Variants in FTO observed in about 807,000 individuals in gnomAD.
FTO encodes alpha-ketoglutarate-dependent dioxygenase FTO.
FTO carries 47 observed loss-of-function variants against 63.9 expected under a neutral mutation model. That is an observed-to-expected ratio of 0.74 (90% confidence interval 0.58 to 0.94). The LOEUF (loss-of-function observed/expected upper bound fraction) is 0.94, where lower values mean the gene tolerates loss of function less well. FTO is among the 40% of genes least tolerant of loss of function. The pLI is 0.00. For missense variants in FTO, 562 were observed against 618.1 expected, an observed-to-expected ratio of 0.91 and a Z score of 0.96; for synonymous variants, 207 against 224.4, an observed-to-expected ratio of 0.92 and a Z score of 0.69.
At chr16:53,895,284 A>G (rs1201397762) in intron 7 of FTO, among the ~76,000 whole-genome samples, 3 of 152,126 alleles carry the variant, frequency 2.0e-5, no homozygotes, top group African/African-American at 7.2e-5. Flanking sequence ...TTTAGTAAGG[A>G]ATTTTACAAG....
chr16:54,021,567 G>T (rs776930603), intron 8 of FTO, among the ~76,000 whole-genome samples: 14 of 152,144 alleles, frequency 9.2e-5, no homozygotes, highest in Non-Finnish European at 7.4e-5. Context: ...TCGGCTCACT[G>T]CAACCTCCGC....
chr16:53,924,379 C>T (rs957266339), intron 7 of FTO, among the ~76,000 whole-genome samples: 3 of 152,154 alleles, frequency 2.0e-5, no homozygotes, highest in African/African-American at 7.2e-5. Context: ...GATGGAAAAA[C>T]ACTAAAATAT....
chr16:53,776,764 T>C (rs1455696437), intron 1 of FTO, among the ~76,000 whole-genome samples: 2 of 152,174 alleles, frequency 1.3e-5, no homozygotes, highest in Admixed American at 6.5e-5. Flanking sequence ...CTTATACTTT[T>C]TTGTTTAGTT....
intron 8 of FTO, chr16:53,991,657 G>T (rs1268792281): frequency 2.6e-5 from 4 of 152,150 alleles, no homozygotes; most frequent in Non-Finnish European, 5.9e-5. Context: ...TTTGATAACT[G>T]CTTGGTATGC....
chr16:54,013,985 C>A (rs1343082396), intron 8 of FTO, among the ~76,000 whole-genome samples: 2 of 152,120 alleles, frequency 1.3e-5, no homozygotes, highest in South Asian at 2.1e-4. Context: ...TGTAGAGGAA[C>A]TCTGGTGACT....
chr16:53,997,002 G>C (rs2083946722), intron 8 of FTO, among the ~76,000 whole-genome samples: 1 of 151,854 alleles, frequency 6.6e-6, no homozygotes, highest in Admixed American at 6.6e-5. Context: ...AATCTCAGCT[G>C]TTCAGAAGGC....
chr16:54,070,896 C>G (rs28448416), intron 8 of FTO: 1 of 152,242 alleles, frequency 6.6e-6, no homozygotes, highest in Non-Finnish European at 1.5e-5. Context: ...TGTACAACAA[C>G]TAATTCAGCC....
At chr16:54,017,255 C>T (rs1845525116) in intron 8 of FTO, among the ~76,000 whole-genome samples, 1 of 152,214 alleles carries the variant, frequency 6.6e-6, no homozygotes, top group Non-Finnish European at 1.5e-5. Flanking sequence ...GATACTTCAT[C>T]TTTGCTGCAG....
intron 1 of FTO, among the ~76,000 whole-genome samples, chr16:53,728,325 C>T (rs1361451500): frequency 6.6e-6 from 1 of 152,158 alleles, no homozygotes; most frequent in African/African-American, 2.4e-5. Context: ...CAACTCTTTT[C>T]TTCTCCCATA....
chr16:54,091,151 A>G lies in FTO; in HGVS notation c.1365-20611A>G, dbSNP rs1049217625. On this transcript the variant is annotated intron_variant, in intron 8 of 8. Transcript: ENST00000471389. ...CCGTTGGAGGCCATGTTTGGAGGCTAGTTACCACAAACACCATGGACATAT... is the reference window on the plus strand; with the variant it reads ...CCGTTGGAGGCCATGTTTGGAGGCTGGTTACCACAAACACCATGGACATAT... Among the ~76,000 whole-genome samples the G allele has an allele frequency of 5.1e-4, 78 of 152,222 alleles. 1 individual carries two copies. The highest frequency in any genetic ancestry group is 1.9e-3 in the African/African-American group (77 of 41,464).
intron 8 of FTO, among the ~76,000 whole-genome samples, chr16:54,074,900 G>A (rs1439269439): frequency 1.1e-3 from 86 of 75,604 alleles, no homozygotes; most frequent in African/African-American, 3.9e-3. Flanking sequence ...AAGAGGGAGA[G>A]AGAGAGAGAG....
At chr16:53,750,592 G>T (rs2076765244) in intron 1 of FTO, among the ~76,000 whole-genome samples, 1 of 152,152 alleles carries the variant, frequency 6.6e-6, no homozygotes, top group African/African-American at 2.4e-5. Flanking sequence ...AGAAGAAGAA[G>T]AATATTTAAT....
chr16:53,722,337 C>A (rs1056362365), intron 1 of FTO, among the ~76,000 whole-genome samples: 1 of 152,154 alleles, frequency 6.6e-6, no homozygotes, highest in Non-Finnish European at 1.5e-5. Context: ...GCTGACAACA[C>A]TGCTATAAAT....
chr16:53,730,079 A>G (rs945339881), intron 1 of FTO, among the ~76,000 whole-genome samples: 1 of 152,222 alleles, frequency 6.6e-6, no homozygotes, highest in Non-Finnish European at 1.5e-5. Context: ...ATGGACTTCA[A>G]ATGTAGATAT....
intron 8 of FTO, among the ~76,000 whole-genome samples, chr16:53,986,824 G>A (rs746099940): frequency 2.4e-4 from 36 of 152,202 alleles, no homozygotes; most frequent in South Asian, 6.2e-4. Flanking sequence ...GTAAATGAAG[G>A]TAACGTTGTT....
intron 8 of FTO, among the ~76,000 whole-genome samples, chr16:54,074,909 AGAGAGAGAGT>A (rs1397305786): frequency 5.2e-5 from 6 of 115,570 alleles, no homozygotes; most frequent in African/African-American, 2.0e-4. Flanking sequence ...AGAGAGAGAG[AGAGAGAGAGT>A]GTGTGTGTGT....
intron 8 of FTO, among the ~76,000 whole-genome samples, chr16:54,015,259 G>T (rs2084414073): frequency 6.6e-6 from 1 of 152,152 alleles, no homozygotes; most frequent in Non-Finnish European, 1.5e-5. Flanking sequence ...AAAAACAATT[G>T]TGTTTCATGT....
At chr16:53,747,852 G>T (rs1478917884) in intron 1 of FTO, among the ~76,000 whole-genome samples, 2 of 152,098 alleles carry the variant, frequency 1.3e-5, no homozygotes, top group Non-Finnish European at 2.9e-5. Context: ...TATGGTGTGA[G>T]ATAAGGGTTC....
intron 7 of FTO, among the ~76,000 whole-genome samples, chr16:53,901,137 G>T (rs2081393386): frequency 6.6e-6 from 1 of 152,302 alleles, no homozygotes; most frequent in South Asian, 2.1e-4. Flanking sequence ...AGACCTGTCT[G>T]CTTTGTGAGT....
Sources: gnomAD v4.1 joint callset for allele counts (sites outside exome capture counted in the v4.1 genomes callset) on GRCh38, gnomAD v4.1.1 for gene constraint, MANE v1.5 for transcripts, NCBI Gene and HGNC (gene_info 2026-07-23, HGNC 2026-07-21) for gene names.